ADAMTSL1: variants seen among roughly 807,000 people sequenced by gnomAD.
ADAMTSL1 encodes ADAMTS like 1.
In ADAMTSL1, 126 loss-of-function variants were observed where a neutral mutation model predicts 201.8. The observed-to-expected ratio is 0.62, with a 90% CI of 0.54 to 0.72. The LOEUF (loss-of-function observed/expected upper bound fraction) is 0.72, where lower values mean the gene tolerates loss of function less well. Among genes scored for constraint, ADAMTSL1 ranks in the 30% least tolerant of loss-of-function variants. ADAMTSL1 has a pLI of 0.00. For synonymous variants in ADAMTSL1, 1,121 were observed against 903.4 expected, an observed-to-expected ratio of 1.24 and a Z score of -4.32; for missense variants, 2,679 against 2,277.8, an observed-to-expected ratio of 1.18 and a Z score of -3.59.
chr9:18,896,829 C>G (rs1474764042), intron 26 of ADAMTSL1, among the ~76,000 whole-genome samples: 1 of 152,160 alleles, frequency 6.6e-6, no homozygotes, highest in African/African-American at 2.4e-5. Flanking sequence ...CACACAGAGA[C>G]CCAGGAGTCT....
In ADAMTSL1 at chr9:18,775,733, T is replaced by C. The variant is rs768519395; in HGVS notation, c.2398-10T>C. The C allele has an allele frequency of 3.7e-6, 6 of 1,611,718 alleles. No homozygotes were observed. In the Admixed American group the frequency reaches 1.0e-4, roughly 27 times the overall value. On this transcript the variant is annotated splice_polypyrimidine_tract_variant and intron_variant, in intron 17 of 28. Coordinates refer to ENST00000380548, the MANE Select transcript of ADAMTSL1 (RefSeq NM_001040272.6). ...AATTTATGTGCATTTGGCCTTTCTT[T>C]CTCCACCAGTGTTCCACAAGCTGCG...
At chr9:18,085,696 G>GTA (rs985393654) in intron 1 of ADAMTSL1, among the ~76,000 whole-genome samples, 32 of 147,248 alleles carry the variant, frequency 2.2e-4, no homozygotes, top group Middle Eastern at 3.6e-3. Flanking sequence ...GTGTGTGTGT[G>GTA]TATATATATA....
chr9:18,307,269 A>C (rs1217998062), intron 2 of ADAMTSL1, among the ~76,000 whole-genome samples: 1 of 152,198 alleles, frequency 6.6e-6, no homozygotes, highest in Non-Finnish European at 1.5e-5. Context: ...CGTTGATAGT[A>C]TGAAGAAACT....
chr9:18,508,124 G>C (rs1006643531), intron 2 of ADAMTSL1, among the ~76,000 whole-genome samples: 1 of 151,832 alleles, frequency 6.6e-6, no homozygotes, highest in East Asian at 1.9e-4. Flanking sequence ...GGCAGAGGTT[G>C]CAGTGAGCCA....
chr9:18,077,746 T>C (rs923914367), intron 1 of ADAMTSL1, among the ~76,000 whole-genome samples: 3 of 151,826 alleles, frequency 2.0e-5, no homozygotes, highest in Non-Finnish European at 4.4e-5. Context: ...AGGAGGACTT[T>C]AAAAAAAATG....
At chr9:18,219,204 G>C (rs572164744) in intron 2 of ADAMTSL1, among the ~76,000 whole-genome samples, 5 of 151,686 alleles carry the variant, frequency 3.3e-5, no homozygotes, top group African/African-American at 4.8e-5. Context: ...ATTTGGATTA[G>C]AGTTTGCTTT....
At chr9:18,225,788 A>G (rs1208938656) in intron 2 of ADAMTSL1, among the ~76,000 whole-genome samples, 2 of 152,176 alleles carry the variant, frequency 1.3e-5, no homozygotes, top group African/African-American at 4.8e-5. Context: ...ATGATCATTT[A>G]TGCAGTAATT....
chr9:18,474,054 A>G, upstream of ADAMTSL1: 2 of 559,980 alleles, frequency 3.6e-6, no homozygotes, highest in Non-Finnish European at 6.3e-6. Context: ...GAGAGATTCC[A>G]TTCAGCTTAC....
At chr9:18,426,437 G>A (rs1819226131) in intron 2 of ADAMTSL1, among the ~76,000 whole-genome samples, 1 of 152,076 alleles carries the variant, frequency 6.6e-6, no homozygotes, top group African/African-American at 2.4e-5. Flanking sequence ...ATGTGTAAGA[G>A]GTATAAATAC....
intron 15 of ADAMTSL1, among the ~76,000 whole-genome samples, chr9:18,729,222 C>A (rs996880577): frequency 1.6e-4 from 24 of 152,170 alleles, no homozygotes; most frequent in African/African-American, 5.8e-4. Context: ...CTATCTGATC[C>A]CTGGCGGCCT....
At chr9:18,086,338 T>G (rs1823769951) in intron 1 of ADAMTSL1, among the ~76,000 whole-genome samples, 1 of 152,082 alleles carries the variant, frequency 6.6e-6, no homozygotes, top group African/African-American at 2.4e-5. Context: ...AGACTAACCT[T>G]AAATAAAACA....
chr9:18,412,873 CAAG>C (rs1818507534), intron 2 of ADAMTSL1, among the ~76,000 whole-genome samples: 1 of 152,136 alleles, frequency 6.6e-6, no homozygotes, highest in South Asian at 2.1e-4. Flanking sequence ...GCTATTTCTT[CAAG>C]AAGCTCTGGT....
chr9:18,361,675 C>T (rs1427129699), intron 2 of ADAMTSL1, among the ~76,000 whole-genome samples: 1 of 152,138 alleles, frequency 6.6e-6, no homozygotes, highest in Non-Finnish European at 1.5e-5. Context: ...AGAAGCAACA[C>T]CACACTAATT....
intron 7 of ADAMTSL1, among the ~76,000 whole-genome samples, chr9:18,651,715 T>C (rs565397922): frequency 6.6e-6 from 1 of 152,272 alleles, no homozygotes; most frequent in East Asian, 1.9e-4. Context: ...AACAGAAACT[T>C]TGCGATTTCT....
At chr9:18,301,398 GCGATCTGTTCCATGACCCCCAGT>G in intron 2 of ADAMTSL1, among the ~76,000 whole-genome samples, 3 of 152,088 alleles carry the variant, frequency 2.0e-5, no homozygotes, top group Non-Finnish European at 4.4e-5. Flanking sequence ...TTTTCCACTG[GCGATCTGTTCCATGACCCCCAGT>G]GGATGCCTGA....
At chr9:18,577,682 GAAGACT>G (rs961061032) in intron 4 of ADAMTSL1, among the ~76,000 whole-genome samples, 1 of 152,134 alleles carries the variant, frequency 6.6e-6, no homozygotes, top group Non-Finnish European at 1.5e-5. Context: ...TAGAAATGTA[GAAGACT>G]CTGAAAATTT....
At chr9:18,668,392 A>C (rs541940903) in intron 9 of ADAMTSL1, among the ~76,000 whole-genome samples, 2 of 152,296 alleles carry the variant, frequency 1.3e-5, no homozygotes, top group Admixed American at 1.3e-4. Context: ...CTATAACTCA[A>C]TTATCTGGGA....
intron 4 of ADAMTSL1, among the ~76,000 whole-genome samples, chr9:18,592,816 T>C (rs1162894775): frequency 2.0e-5 from 3 of 152,226 alleles, no homozygotes; most frequent in African/African-American, 4.8e-5. Context: ...TTGAATAGTA[T>C]AGACATTTTA....
At chr9:18,147,293 A>T (rs1483391437) in intron 1 of ADAMTSL1, among the ~76,000 whole-genome samples, 2 of 152,154 alleles carry the variant, frequency 1.3e-5, no homozygotes, top group African/African-American at 2.4e-5. Flanking sequence ...TTTTAAAGAA[A>T]GTGATGGCTA....
Sources: gnomAD v4.1 joint callset for allele counts (sites outside exome capture counted in the v4.1 genomes callset) on GRCh38, gnomAD v4.1.1 for gene constraint, MANE v1.5 for transcripts, NCBI Gene and HGNC (gene_info 2026-07-23, HGNC 2026-07-21) for gene names.